The following EYS variants were observed in gnomAD, a reference collection of about 807,000 sequenced individuals.
EYS encodes protein eyes shut homolog.
In EYS, 250 loss-of-function variants were observed where a neutral mutation model predicts 282.1. The observed-to-expected ratio is 0.89, with a 90% CI of 0.80 to 0.98. The LOEUF is 0.98. Among genes scored for constraint, EYS ranks in the 50% least tolerant of loss-of-function variants. EYS has a pLI of 0.00. For synonymous variants in EYS, 1,355 were observed against 1,282.9 expected (o/e 1.06, Z -1.20); for missense variants, 4,016 against 3,709.0 (o/e 1.08, Z -2.15).
At chr6:64,470,041 C>A (rs1390342975) in intron 26 of EYS, among the ~76,000 whole-genome samples, 11 of 152,282 alleles carry the variant, frequency 7.2e-5, no homozygotes, top group Middle Eastern at 3.4e-3. Flanking sequence ...ACCCACGTGA[C>A]CTTACCTATC....
intron 5 of EYS, among the ~76,000 whole-genome samples, chr6:65,407,043 A>C (rs535730850): frequency 1.1e-4 from 17 of 152,266 alleles, no homozygotes; most frequent in African/African-American, 4.1e-4. Flanking sequence ...ATCAATAGAT[A>C]AAATTGGGAA....
chr6:64,997,899 T>TAA (rs200128743), intron 13 of EYS, among the ~76,000 whole-genome samples, 196 bp from the exon 14 acceptor site: 1 of 149,324 alleles, frequency 6.7e-6, no homozygotes, highest in African/African-American at 2.5e-5. Flanking sequence ...CTATTTAACT[T>TAA]AAAAAAAAAA....
chr6:64,532,025 AG>A (rs1467727398), intron 26 of EYS, among the ~76,000 whole-genome samples: 1 of 152,162 alleles, frequency 6.6e-6, no homozygotes, highest in African/African-American at 2.4e-5. Flanking sequence ...CCAGGCAACC[AG>A]GGTTTTTATG....
At chr6:64,552,076 C>G (rs879703446) in intron 26 of EYS, among the ~76,000 whole-genome samples, 5 of 152,144 alleles carry the variant, frequency 3.3e-5, no homozygotes, top group Non-Finnish European at 7.4e-5. Context: ...GGCCATCAGC[C>G]AAGTGCATTC....
chr6:64,122,904 G>T (rs537914139), intron 31 of EYS, among the ~76,000 whole-genome samples: 1 of 150,500 alleles, frequency 6.6e-6, no homozygotes, highest in South Asian at 2.1e-4. Flanking sequence ...TAACAGAAAT[G>T]CTTACAAAGC....
intron 28 of EYS, among the ~76,000 whole-genome samples, chr6:64,413,356 C>A (rs560175511): frequency 6.6e-6 from 1 of 152,092 alleles, no homozygotes; most frequent in Non-Finnish European, 1.5e-5. Flanking sequence ...TGCCAATGTC[C>A]AAACATCTAT....
intron 2 of EYS, among the ~76,000 whole-genome samples, chr6:65,531,620 C>T (rs938851966): frequency 2.6e-5 from 4 of 152,130 alleles, no homozygotes; most frequent in Non-Finnish European, 4.4e-5. Flanking sequence ...CTATGAGCAG[C>T]ATAAATATTA....
chr6:64,712,946 C>A (rs1003933304), intron 22 of EYS, among the ~76,000 whole-genome samples: 1 of 152,158 alleles, frequency 6.6e-6, no homozygotes, highest in African/African-American at 2.4e-5. Context: ...ATCAAAACAA[C>A]TATTAGAAGA....
intron 5 of EYS, among the ~76,000 whole-genome samples, chr6:65,475,580 G>A (rs1175755159): frequency 6.6e-6 from 1 of 152,068 alleles, no homozygotes; most frequent in East Asian, 1.9e-4. Flanking sequence ...ATTCTGAAAA[G>A]TATAAGAAGG....
rs559189105 is a variant in EYS, at chr6:64,827,636, G to A, written c.2993-4814C>T. ...ATAATTTATGGACTTAAGAATCAGT[G>A]ATTTTAAAAATTCAAATTCATATTT... On this transcript the variant is annotated intron_variant, in intron 19 of 42. Transcript: ENST00000503581. Among the ~76,000 whole-genome samples, 77 of 151,834 alleles carry A rather than the reference G, an allele frequency of 5.1e-4. 2 individuals are homozygous for A. The South Asian group carries it at 0.016, about 31-fold the overall frequency.
chr6:63,921,388 C>A (rs1764571071), intron 35 of EYS, among the ~76,000 whole-genome samples: 2 of 152,226 alleles, frequency 1.3e-5, no homozygotes, highest in Non-Finnish European at 2.9e-5. Flanking sequence ...CCCCGTTCTA[C>A]TAGCTGCTCT....
At chr6:64,617,326 G>A (rs757790591) in intron 24 of EYS, 92 bp downstream of exon 24, 9 of 830,804 alleles carry the variant, frequency 1.1e-5, no homozygotes, top group Non-Finnish European at 1.8e-5. Context: ...TAACTACTCC[G>A]ACCTTATTTT....
At chr6:65,228,128 T>C (rs1222637096) in intron 12 of EYS, among the ~76,000 whole-genome samples, 1 of 152,136 alleles carries the variant, frequency 6.6e-6, no homozygotes, top group Non-Finnish European at 1.5e-5. Flanking sequence ...ATAAAAAGTC[T>C]ATAGCTAGCG....
At chr6:64,316,042 A>G (rs1359248165) in intron 29 of EYS, among the ~76,000 whole-genome samples, 1 of 152,212 alleles carries the variant, frequency 6.6e-6, no homozygotes, top group African/African-American at 2.4e-5. Flanking sequence ...AACTCTCAAT[A>G]AACTAGGTAC....
intron 26 of EYS, among the ~76,000 whole-genome samples, chr6:64,549,733 C>CT (rs10534314): frequency 0.11 from 15,934 of 140,602 alleles, 883 homozygotes; most frequent in Non-Finnish European, 0.13. Context: ...CACATGAAAT[C>CT]TTTTTTTTTT....
intron 8 of EYS, among the ~76,000 whole-genome samples, chr6:65,372,309 T>C (rs1471195186): frequency 1.3e-5 from 2 of 151,990 alleles, no homozygotes; most frequent in Non-Finnish European, 2.9e-5. Context: ...AATATTTGAA[T>C]AGACACAAAC....
At chr6:65,201,494 G>A (rs1437354992) in intron 12 of EYS, among the ~76,000 whole-genome samples, 2 of 152,032 alleles carry the variant, frequency 1.3e-5, no homozygotes, top group Non-Finnish European at 2.9e-5. Flanking sequence ...AATCATTAGA[G>A]GATGACTAAA....
At chr6:65,189,188 G>A (rs1189608448) in intron 12 of EYS, among the ~76,000 whole-genome samples, 1 of 151,492 alleles carries the variant, frequency 6.6e-6, no homozygotes, top group Non-Finnish European at 1.5e-5. Flanking sequence ...ATAGTAATTT[G>A]CAATAATGTA....
chr6:65,683,165 A>C (rs538166622), intron 1 of EYS, among the ~76,000 whole-genome samples: 32 of 151,998 alleles, frequency 2.1e-4, no homozygotes, highest in Non-Finnish European at 4.4e-4. Context: ...TGTTTTTATC[A>C]CTCACGATAA....
Sources: allele counts gnomAD v4.1 joint callset (sites outside exome capture counted in the v4.1 genomes callset), GRCh38; gene constraint gnomAD v4.1.1; transcripts MANE v1.5; gene names NCBI Gene and HGNC (gene_info 2026-07-23, HGNC 2026-07-21).